NEDD4L: variants seen among roughly 807,000 people sequenced by gnomAD.
The protein encoded by NEDD4L is E3 ubiquitin-protein ligase NEDD4-like.
NEDD4L carries 54 observed loss-of-function variants against 148.9 expected under a neutral mutation model. The observed-to-expected ratio is 0.36, with a 90% CI of 0.29 to 0.45. The LOEUF (loss-of-function observed/expected upper bound fraction) is 0.45. NEDD4L is among the 20% of genes least tolerant of loss of function. NEDD4L has a pLI of 1.00. For missense variants in NEDD4L, 856 were observed against 1,233.8 expected (o/e 0.69, Z 4.59); for synonymous variants, 433 against 440.7 (o/e 0.98, Z 0.22).
intron 2 of NEDD4L, among the ~76,000 whole-genome samples, chr18:58,214,933 T>A (rs563594322): frequency 3.3e-5 from 5 of 151,844 alleles, no homozygotes; most frequent in Non-Finnish European, 7.4e-5. Flanking sequence ...TTCCTCAGCC[T>A]CCCGAGTAGC....
intron 13 of NEDD4L, among the ~76,000 whole-genome samples, chr18:58,338,732 G>A (rs897526770): frequency 3.3e-5 from 5 of 152,060 alleles, no homozygotes; most frequent in Non-Finnish European, 7.4e-5. Context: ...CCTGACCAAC[G>A]TGGTGAAACC....
At chr18:58,127,605 C>T (rs143337182) in intron 1 of NEDD4L, among the ~76,000 whole-genome samples, 25 of 151,838 alleles carry the variant, frequency 1.6e-4, no homozygotes, top group Admixed American at 2.0e-4. Context: ...TTTGGGAGGC[C>T]GAGGCAGGCG....
chr18:58,044,735 G>A (rs1465596154), intron 1 of NEDD4L, 27 bp downstream of exon 1: 1 of 1,601,614 alleles, frequency 6.2e-7, no homozygotes. Context: ...TCCTGCTCGG[G>A]ACTCCCCGGG....
chr18:58,390,241 G>A (rs1235297288), intron 28 of NEDD4L: 3 of 155,776 alleles, frequency 1.9e-5, no homozygotes, highest in East Asian at 1.9e-4. Context: ...ATAAAATGAT[G>A]TCTTCTAGGG....
At chr18:58,246,017 T>G (rs535280396) in intron 3 of NEDD4L, among the ~76,000 whole-genome samples, 1 of 152,130 alleles carries the variant, frequency 6.6e-6, no homozygotes, top group African/African-American at 2.4e-5. Flanking sequence ...TCTTATATAC[T>G]GTATTTTCAT....
At chr18:58,285,804 G>A (rs2053826345) in intron 5 of NEDD4L, among the ~76,000 whole-genome samples, 1 of 152,204 alleles carries the variant, frequency 6.6e-6, no homozygotes, top group African/African-American at 2.4e-5. Flanking sequence ...TGAAATTAAA[G>A]TAAATATTAG....
rs576620926 is a variant in NEDD4L, at chr18:58,249,135, G to A, written c.243+198G>A. Among the ~76,000 whole-genome samples, 3 of 152,190 alleles carry A rather than the reference G, an allele frequency of 2.0e-5. No homozygotes were observed. The East Asian group carries it at 5.8e-4, about 29-fold the overall frequency. On this transcript the variant is annotated intron_variant, in intron 4 of 30. Transcript: ENST00000400345. ...ACAGAATCCGGACTTGTTTCATTGG[G>A]GAGTGTTTTGGAGAAGTCAAAAGAA...
chr18:58,246,935 A>T (rs1316623761), intron 3 of NEDD4L, among the ~76,000 whole-genome samples: 1 of 152,094 alleles, frequency 6.6e-6, no homozygotes, highest in African/African-American at 2.4e-5. Context: ...AGCACTTTGG[A>T]GGCCGAGGCT....
chr18:58,119,955 C>G (rs1209451674), intron 1 of NEDD4L, among the ~76,000 whole-genome samples: 1 of 152,202 alleles, frequency 6.6e-6, no homozygotes, highest in African/African-American at 2.4e-5. Flanking sequence ...TAATCTCCCT[C>G]TGCAGCAGAT....
intron 1 of NEDD4L, among the ~76,000 whole-genome samples, chr18:58,165,143 T>C (rs1265256185): frequency 6.6e-6 from 1 of 152,206 alleles, no homozygotes; most frequent in Admixed American, 6.5e-5. Flanking sequence ...ATGTCGGTAT[T>C]TCAAGGCCCC....
At position 58,389,159 on chromosome 18, in the gene NEDD4L, C is replaced by T; in HGVS notation, c.2622C>T (p.Cys874=). 6.2e-7 allele frequency: 1 copy of T among 1,613,816 alleles called. No homozygotes were observed. Among genetic ancestry groups the T allele is most frequent in the South Asian group, 1.1e-5 (1 of 91,048 alleles). Residue 874 remains cysteine (C), a synonymous_variant, in exon 28 of 31, where the codon TGC becomes TGT. Transcript: ENST00000400345. ...ATTCTATTTACAAGAACGGCTACTGCCCAAACCACCCCGTCATTCAGTGGT... is the reference window on the plus strand; with the variant it reads ...ATTCTATTTACAAGAACGGCTACTGTCCAAACCACCCCGTCATTCAGTGGT... ...RQHSIYKNGY[C]PNHPVIQWFW... is the part of the protein sequence containing the mutation.
chr18:58,238,491 A>G (rs1600106518), intron 2 of NEDD4L, among the ~76,000 whole-genome samples: 2 of 152,212 alleles, frequency 1.3e-5, no homozygotes, highest in Non-Finnish European at 2.9e-5. Flanking sequence ...CCATTCGTAA[A>G]CATCATATAG....
intron 13 of NEDD4L, among the ~76,000 whole-genome samples, chr18:58,336,868 A>T (rs746953334): frequency 6.6e-6 from 1 of 152,220 alleles, no homozygotes; most frequent in Non-Finnish European, 1.5e-5. Context: ...CCCACCGTGC[A>T]CTTGTAATTT....
At chr18:58,122,339 A>G (rs1300532952) in intron 1 of NEDD4L, among the ~76,000 whole-genome samples, 1 of 152,158 alleles carries the variant, frequency 6.6e-6, no homozygotes, top group Non-Finnish European at 1.5e-5. Context: ...GTCTCTACTA[A>G]AAATACAAAA....
chr18:58,330,962 T>G (rs2059740998), intron 11 of NEDD4L, 48 bp downstream of exon 11: 1 of 1,579,538 alleles, frequency 6.3e-7, no homozygotes, highest in South Asian at 1.1e-5. Context: ...TGTTTTATTG[T>G]TTTTTGTTGC....
intron 2 of NEDD4L, among the ~76,000 whole-genome samples, chr18:58,199,482 T>C (rs2147369016): frequency 6.6e-6 from 1 of 152,274 alleles, no homozygotes; most frequent in East Asian, 1.9e-4. Context: ...GTTGACCGTA[T>C]ACGAAATGCT....
intron 2 of NEDD4L, among the ~76,000 whole-genome samples, chr18:58,225,246 C>A (rs1378931620): frequency 6.6e-6 from 1 of 152,082 alleles, no homozygotes; most frequent in Admixed American, 6.6e-5. Context: ...GAGATATTGC[C>A]ATTAAAAGTT....
chr18:58,263,904 T>G (rs1372848123), intron 5 of NEDD4L, among the ~76,000 whole-genome samples: 2 of 149,574 alleles, frequency 1.3e-5, no homozygotes, highest in African/African-American at 4.9e-5. Context: ...TAACATGGAC[T>G]CTTAAACTTT....
chr18:58,270,770 C>T (rs1188237124), intron 5 of NEDD4L, among the ~76,000 whole-genome samples: 1 of 151,922 alleles, frequency 6.6e-6, no homozygotes, highest in East Asian at 1.9e-4. Flanking sequence ...AGGATAGAGG[C>T]CGATTCCCTC....
Sources: allele counts gnomAD v4.1 joint callset (sites outside exome capture counted in the v4.1 genomes callset), GRCh38; gene constraint gnomAD v4.1.1; transcripts MANE v1.5; gene names NCBI Gene and HGNC (gene_info 2026-07-23, HGNC 2026-07-21).